The following ELOVL5 variants were observed in gnomAD, a reference collection of about 807,000 sequenced individuals.
ELOVL5 encodes ELOVL fatty acid elongase 5.
ELOVL5 carries 8 observed loss-of-function variants against 38.6 expected under a neutral mutation model. The observed-to-expected ratio is 0.21, with a 90% CI of 0.12 to 0.37. ELOVL5 has a LOEUF of 0.37. ELOVL5 is among the 10% of genes least tolerant of loss of function. The pLI is 1.00. For synonymous variants in ELOVL5, 127 were observed against 133.7 expected (o/e 0.95, Z 0.34); for missense variants, 280 against 367.8 (o/e 0.76, Z 1.95).
intron 3 of ELOVL5, among the ~76,000 whole-genome samples, chr6:53,280,158 GGA>G (rs1286187551): frequency 6.6e-6 from 1 of 152,236 alleles, no homozygotes; most frequent in African/African-American, 2.4e-5. Context: ...CCAGTAGGCT[GGA>G]GAAGGTGAAG....
Position 53,269,168 on chromosome 6 carries a change from G to T in ELOVL5, c.859C>A (p.Leu287Met). Residue 287 changes from leucine to methionine, a missense_variant, in exon 8 of 8, where the codon CTG becomes ATG. By Grantham distance (15) the Leu-to-Met change is conservative. Around this residue, in one of 3 missense-constraint regions of ELOVL5, gnomAD observed 125 missense variants for 158.9 expected, o/e 0.79. Coordinates refer to ENST00000304434, the MANE Select transcript of ELOVL5 (RefSeq NM_021814.5). ...TTCCTTGGCTTCACATTGTTTTCCA[G>T]GGGTGAAAAGCTGTTGGTGTGTCCA... ...VNGHTNSFSP[L>M]ENNVKPRKLR... is the part of the protein sequence containing the mutation. The T allele has an allele frequency of 1.2e-6, 2 of 1,613,908 alleles. No individual in the cohort carries two copies. The highest frequency in any genetic ancestry group is 1.7e-6 in the Non-Finnish European group (2 of 1,179,914).
intron 1 of ELOVL5, among the ~76,000 whole-genome samples, chr6:53,301,623 G>C (rs1767254657): frequency 6.6e-6 from 1 of 152,106 alleles, no homozygotes. Flanking sequence ...ACAGGGCCCA[G>C]TGAAAAAAAG....
rs1765841690 is a variant in ELOVL5, at chr6:53,269,308, C to CAGACAGTT, written c.757-39_757-38insAACTGTCT. ...AGGGCAGATGAGAACCAAATGACCA[C>CAGACAGTT]AGTTTTCTTTATAGGGAACTTTACT... On this transcript the variant is annotated intron_variant, in intron 7 of 7. Transcript: ENST00000304434. 3 of 1,527,972 alleles carry CAGACAGTT rather than the reference C, an allele frequency of 2.0e-6. No individual in the cohort carries two copies. The East Asian group carries it at 7.0e-5, about 36-fold the overall frequency. 94.7% of individuals were successfully genotyped at this position (1,527,972 alleles called of 1,614,324 possible).
At chr6:53,277,137 A>AT (rs1018454943) in intron 3 of ELOVL5, 5 of 153,358 alleles carry the variant, frequency 3.3e-5, no homozygotes, top group Non-Finnish European at 7.4e-5. Flanking sequence ...AGCAACACAG[A>AT]TTCCCCCCCA....
At chr6:53,292,446 C>A (rs1213416378) in intron 2 of ELOVL5, among the ~76,000 whole-genome samples, 2 of 152,206 alleles carry the variant, frequency 1.3e-5, no homozygotes, top group African/African-American at 4.8e-5. Context: ...ATTAGAAAGG[C>A]AGCCTTTGCT....
intron 1 of ELOVL5, among the ~76,000 whole-genome samples, chr6:53,299,101 C>A (rs1242413601): frequency 6.6e-6 from 1 of 152,094 alleles, no homozygotes; most frequent in Non-Finnish European, 1.5e-5. Flanking sequence ...ATGAGACATT[C>A]ATAATGGGGA....
At chr6:53,286,400 C>T (rs1052534342) in intron 3 of ELOVL5, among the ~76,000 whole-genome samples, 1 of 151,706 alleles carries the variant, frequency 6.6e-6, no homozygotes, top group Non-Finnish European at 1.5e-5. Flanking sequence ...ATGTTTCTAC[C>T]AAAAATAAAA....
chr6:53,271,463 T>C (rs2294860), intron 6 of ELOVL5, among the ~76,000 whole-genome samples: 9,454 of 152,046 alleles, frequency 0.062, 589 homozygotes, highest in Admixed American at 0.21. Context: ...GATAGGAGAA[T>C]TGCTTGAACC....
At chr6:53,347,607 G>A (rs1199247125) in intron 1 of ELOVL5, among the ~76,000 whole-genome samples, 3 of 152,100 alleles carry the variant, frequency 2.0e-5, no homozygotes, top group Non-Finnish European at 4.4e-5. Context: ...CCTGCCACGG[G>A]TCCCGCTATT....
intron 1 of ELOVL5, among the ~76,000 whole-genome samples, chr6:53,313,344 A>G (rs1767914451): frequency 6.6e-6 from 1 of 151,810 alleles, no homozygotes; most frequent in Non-Finnish European, 1.5e-5. Flanking sequence ...CTTTTAATAC[A>G]TGGTACATAG....
At chr6:53,341,477 T>C (rs1190247736) in intron 1 of ELOVL5, among the ~76,000 whole-genome samples, 1 of 152,226 alleles carries the variant, frequency 6.6e-6, no homozygotes, top group Non-Finnish European at 1.5e-5. Context: ...CTCTGCCACC[T>C]ACTAGCTGTG....
chr6:53,333,883 G>A (rs1334971214), intron 1 of ELOVL5, among the ~76,000 whole-genome samples: 3 of 128,014 alleles, frequency 2.3e-5, no homozygotes, highest in South Asian at 2.5e-4. Context: ...CAAATTCCAC[G>A]GTGAAACAAC....
At chr6:53,291,067 T>C (rs1338851895) in intron 3 of ELOVL5, among the ~76,000 whole-genome samples, 1 of 152,078 alleles carries the variant, frequency 6.6e-6, no homozygotes, top group African/African-American at 2.4e-5. Context: ...GAAGCTTTCC[T>C]CCCCCTTTTA....
chr6:53,305,734 A>C (rs1253809025), intron 1 of ELOVL5, among the ~76,000 whole-genome samples: 1 of 146,578 alleles, frequency 6.8e-6, no homozygotes, highest in African/African-American at 2.5e-5. Flanking sequence ...GCAGCCAGGC[A>C]GAGGGTCTCC....
intron 1 of ELOVL5, among the ~76,000 whole-genome samples, chr6:53,327,063 AGGACCCCAAAT>A (rs1768579497): frequency 6.6e-6 from 1 of 152,184 alleles, no homozygotes; most frequent in Non-Finnish European, 1.5e-5. Context: ...TCTCTAACTT[AGGACCCCAAAT>A]GGACCCAAAT....
chr6:53,306,168 TGGCTC>T (rs1020432817), intron 1 of ELOVL5, among the ~76,000 whole-genome samples: 2 of 143,866 alleles, frequency 1.4e-5, no homozygotes, highest in Non-Finnish European at 3.0e-5. Flanking sequence ...AGTCCAGCTT[TGGCTC>T]GGCATGAGAG....
chr6:53,336,521 C>T (rs1295308861), intron 1 of ELOVL5, among the ~76,000 whole-genome samples: 1 of 152,108 alleles, frequency 6.6e-6, no homozygotes, highest in East Asian at 1.9e-4. Context: ...ATTAGCTGGG[C>T]ATGGTGGTGC....
chr6:53,268,929 G>T lies in ELOVL5; in HGVS notation c.*198C>A, dbSNP rs988279147. On this transcript the variant is annotated 3_prime_UTR_variant, in exon 8 of 8. Coordinates refer to ENST00000304434, the MANE Select transcript of ELOVL5 (RefSeq NM_021814.5). ...TCTAGCGCAGGGGTCAGAGAGCCCAGAAATGTTAGAAATCTTATCCCTACT... is the reference window on the plus strand; with the variant it reads ...TCTAGCGCAGGGGTCAGAGAGCCCATAAATGTTAGAAATCTTATCCCTACT... The T allele has an allele frequency of 1.6e-5, 9 of 569,884 alleles. No homozygotes were observed. The highest frequency in any genetic ancestry group is 7.6e-5 in the African/African-American group (4 of 52,812). The allele number at this position is 569,884 out of a possible 1,614,324, so 35.3% of individuals were successfully genotyped here. A position where few individuals can be genotyped will look rare whatever the true frequency, so the allele number is the denominator to read the frequency against.
At chr6:53,273,478 G>C (rs1766000520) in intron 5 of ELOVL5, 134 bp from the exon 6 acceptor site, 4 of 753,078 alleles carry the variant, frequency 5.3e-6, no homozygotes, top group Middle Eastern at 3.2e-4. Context: ...GACAAACACT[G>C]CAACAGCAAG....
Sources: gnomAD v4.1 joint callset for allele counts (sites outside exome capture counted in the v4.1 genomes callset) on GRCh38, gnomAD v4.1.1 for gene constraint, gnomAD v4.1.1 regional missense constraint, MANE v1.5 for transcripts, NCBI Gene and HGNC (gene_info 2026-07-23, HGNC 2026-07-21) for gene names.